Variants in ICA1L observed in about 807,000 individuals in gnomAD.
ICA1L encodes the protein islet cell autoantigen 1 like.
In ICA1L, 50 loss-of-function variants were observed where a neutral mutation model predicts 61.3. The observed-to-expected ratio is 0.82, with a 90% CI of 0.65 to 1.03. The LOEUF (loss-of-function observed/expected upper bound fraction) is 1.03, where lower values mean the gene tolerates loss of function less well. ICA1L is among the 50% of genes least tolerant of loss of function. The pLI, the probability that ICA1L is intolerant of heterozygous loss-of-function variation, is 0.00. For missense variants in ICA1L, 508 were observed against 556.7 expected, an observed-to-expected ratio of 0.91 and a Z score of 0.88; for synonymous variants, 161 against 191.3, an observed-to-expected ratio of 0.84 and a Z score of 1.31.
At chr2:202,821,261 A>G (rs771908473) in intron 4 of ICA1L, 97 bp downstream of exon 4, 347 of 1,188,886 alleles carry the variant, frequency 2.9e-4, no homozygotes, top group Admixed American at 8.5e-4. Context: ...CCTTTATTAG[A>G]ATGAACAGTG....
In ICA1L at chr2:202,819,702, T is replaced by G; in HGVS notation, c.557A>C (p.Lys186Thr). 6.2e-7 allele frequency: 1 copy of G among 1,611,334 alleles called. No homozygotes were observed. The highest frequency in any genetic ancestry group is 8.5e-7 in the Non-Finnish European group (1 of 1,177,434). The change falls in exon 5 of 13, where the codon AAA becomes ACA. Residue 186 changes from lysine (K) to threonine (T), a missense_variant and splice_region_variant. Lys to Thr is a moderately conservative substitution (Grantham distance 78). Transcript: ENST00000358299. ...AAGGAAAGGGATACGTTTTCATACT[T>G]TTCTAAACTTTTCCATTTGCTTTAA... ...DTLKQMEKFR[K>T]VQMQVRNSKA...
At chr2:202,803,046 G>A (rs1193663786) in intron 9 of ICA1L, among the ~76,000 whole-genome samples, 1 of 152,056 alleles carries the variant, frequency 6.6e-6, no homozygotes, top group African/African-American at 2.4e-5. Context: ...AGAATGAGAA[G>A]TTGACATACT....
chr2:202,835,286 G>C (rs1445374358), intron 1 of ICA1L, among the ~76,000 whole-genome samples: 1 of 143,102 alleles, frequency 7.0e-6, no homozygotes, highest in African/African-American at 2.6e-5. Flanking sequence ...TGGTGCTGCA[G>C]CCTCCACCTC....
At chr2:202,785,795 A>G in intron 12 of ICA1L, 123 bp downstream of exon 12, 1 of 551,486 alleles carries the variant, frequency 1.8e-6, no homozygotes, top group South Asian at 2.8e-5. Context: ...TTTAATAATA[A>G]TCATTATTAA....
chr2:202,801,108 A>T (rs1293707448), intron 9 of ICA1L, among the ~76,000 whole-genome samples: 3 of 152,302 alleles, frequency 2.0e-5, no homozygotes, highest in Non-Finnish European at 4.4e-5. Flanking sequence ...GGTTGTGGGG[A>T]AGGGAACAGG....
At chr2:202,862,204 T>G in intron 1 of ICA1L, among the ~76,000 whole-genome samples, 1 of 131,174 alleles carries the variant, frequency 7.6e-6, no homozygotes, top group East Asian at 2.2e-4. Context: ...TTCAGGAGGG[T>G]GAAGCAGGAT....
intron 1 of ICA1L, among the ~76,000 whole-genome samples, chr2:202,847,941 G>A (rs978559260): frequency 1.3e-5 from 2 of 152,044 alleles, no homozygotes; most frequent in African/African-American, 4.8e-5. Flanking sequence ...CAATACGGAT[G>A]CAGCTGGAGG....
chr2:202,855,176 A>T (rs1694735080), intron 1 of ICA1L, among the ~76,000 whole-genome samples: 1 of 152,220 alleles, frequency 6.6e-6, no homozygotes, highest in East Asian at 1.9e-4. Context: ...TATAGCACTA[A>T]ATGCCCACAT....
At position 202,871,715 on chromosome 2, in the gene ICA1L, C is replaced by T. The variant is rs1379019930; in HGVS notation, c.-104G>A. ...ACCGCCCGCGAGCCCCGCGCCGACTCCCGGCCCTCCGGCAGCCAGTGCCCC... is the reference window on the plus strand; with the variant it reads ...ACCGCCCGCGAGCCCCGCGCCGACTTCCGGCCCTCCGGCAGCCAGTGCCCC... On this transcript the variant is annotated 5_prime_UTR_variant, in exon 1 of 13. Coordinates refer to ENST00000358299, the MANE Select transcript of ICA1L (RefSeq NM_001288622.3). 6.5e-6 allele frequency: 1 copy of T among 152,692 alleles called. No homozygotes were observed. Among genetic ancestry groups the T allele is most frequent in the Non-Finnish European group, 1.5e-5 (1 of 68,472 alleles). The allele number at this position is 152,692 out of a possible 1,614,324, so 9.5% of individuals were successfully genotyped here.
At chr2:202,821,724 A>T in intron 3 of ICA1L, 1 of 240,098 alleles carries the variant, frequency 4.2e-6, no homozygotes, top group Non-Finnish European at 7.9e-6. Flanking sequence ...GAATCCATGG[A>T]CCTCGCTTTG....
Position 202,777,582 on chromosome 2 carries a change from A to G in ICA1L, c.*1951T>C, listed in dbSNP as rs1446456755. 6.6e-6 allele frequency: 1 copy of G among 152,216 alleles called. No homozygotes were observed. The highest frequency in any genetic ancestry group is 1.5e-5 in the Non-Finnish European group (1 of 68,034). 9.4% of individuals were successfully genotyped at this position (152,216 alleles called of 1,614,324 possible). On this transcript the variant is annotated 3_prime_UTR_variant, in exon 13 of 13. Transcript: ENST00000358299. ...AAAAGAAATAGGAGTAATATTGTGA[A>G]AAGATTTTATGGAAAGACTTCATAC...
At chr2:202,781,558 A>T (rs1692405766) in intron 12 of ICA1L, among the ~76,000 whole-genome samples, 2 of 144,970 alleles carry the variant, frequency 1.4e-5, no homozygotes, top group South Asian at 2.4e-4. Context: ...TGGGTGACAG[A>T]GTGTGACCCT....
intron 1 of ICA1L, among the ~76,000 whole-genome samples, chr2:202,853,899 C>T (rs555365242): frequency 9.2e-5 from 14 of 152,196 alleles, no homozygotes; most frequent in Admixed American, 3.3e-4. Context: ...GAAGCACTAA[C>T]TATGGAAAGG....
chr2:202,817,730 AATTG>A (rs1279595843), intron 5 of ICA1L, among the ~76,000 whole-genome samples, 187 bp from the exon 6 acceptor site: 1 of 152,172 alleles, frequency 6.6e-6, no homozygotes, highest in East Asian at 1.9e-4. Flanking sequence ...TACTGTTAGT[AATTG>A]TAGGAGATTC....
chr2:202,859,308 G>T (rs1326624659), intron 1 of ICA1L, among the ~76,000 whole-genome samples: 1 of 152,084 alleles, frequency 6.6e-6, no homozygotes, highest in African/African-American at 2.4e-5. Flanking sequence ...TTACTGTTTA[G>T]CCAAACATGA....
At chr2:202,846,549 A>T (rs1047342735) in intron 1 of ICA1L, among the ~76,000 whole-genome samples, 3 of 152,118 alleles carry the variant, frequency 2.0e-5, no homozygotes, top group Admixed American at 1.3e-4. Context: ...GAACTCAGGG[A>T]AACACTCAGA....
intron 3 of ICA1L, 27 bp from the exon 4 acceptor site, chr2:202,821,508 A>G: frequency 6.4e-7 from 1 of 1,552,118 alleles, no homozygotes; most frequent in South Asian, 1.2e-5. Flanking sequence ...AGTGTAGTTA[A>G]TTGTTTCCTT....
chr2:202,858,781 G>A (rs887912766), intron 1 of ICA1L, among the ~76,000 whole-genome samples: 3 of 152,132 alleles, frequency 2.0e-5, no homozygotes, highest in South Asian at 2.1e-4. Context: ...AGTTGCGTAC[G>A]GTATTCAGTA....
At chr2:202,858,025 G>A (rs1263144048) in intron 1 of ICA1L, among the ~76,000 whole-genome samples, 1 of 152,174 alleles carries the variant, frequency 6.6e-6, no homozygotes, top group African/African-American at 2.4e-5. Context: ...GTTAGTGGGA[G>A]TGTAAATTAG....
Sources: allele counts gnomAD v4.1 joint callset (sites outside exome capture counted in the v4.1 genomes callset), GRCh38; gene constraint gnomAD v4.1.1; transcripts MANE v1.5; gene names NCBI Gene and HGNC (gene_info 2026-07-23, HGNC 2026-07-21).